Variants in CD38 observed in about 807,000 individuals in gnomAD.
CD38 encodes the protein CD38 molecule, also known as ADP-ribosyl cyclase/cyclic ADP-ribose hydrolase 1.
Under a neutral mutation model 36.3 loss-of-function variants are expected in CD38, and 31 were observed. That is an observed-to-expected ratio of 0.85 (90% CI 0.64 to 1.15). The LOEUF (loss-of-function observed/expected upper bound fraction) is 1.15. CD38 is among the 50% of genes most tolerant of loss of function. The pLI is 0.00. For synonymous variants in CD38, 131 were observed against 135.2 expected (o/e 0.97, Z 0.22); for missense variants, 380 against 371.9 (o/e 1.02, Z -0.18).
chr4:15,817,882 G>C (rs1209369834), intron 2 of CD38, among the ~76,000 whole-genome samples: 1 of 152,038 alleles, frequency 6.6e-6, no homozygotes, highest in Non-Finnish European at 1.5e-5. Flanking sequence ...TTCCTCGTGT[G>C]TCTACACCAC....
At position 15,848,896 on chromosome 4, in the gene CD38, A is replaced by G. The variant is rs1209312042; in HGVS notation, c.*294A>G. The G allele has an allele frequency of 1.7e-5, 4 of 235,006 alleles. No individual in the cohort carries two copies. The highest frequency in any genetic ancestry group is 2.5e-5 in the Non-Finnish European group (3 of 121,668). 14.6% of individuals were successfully genotyped at this position (235,006 alleles called of 1,614,324 possible). ...TGTGATCCTTTTATGTTATTTATAT[A>G]TTGGTAACATCCTTTCTATTGAAAA... On this transcript the variant is annotated 3_prime_UTR_variant, in exon 8 of 8. Coordinates refer to ENST00000226279, the MANE Select transcript of CD38 (RefSeq NM_001775.4).
At chr4:15,842,334 C>A in intron 7 of CD38, among the ~76,000 whole-genome samples, 1 of 135,592 alleles carries the variant, frequency 7.4e-6, no homozygotes, top group Non-Finnish European at 1.6e-5. Flanking sequence ...TTCCAACAGA[C>A]CTGCAGCTGA....
intron 7 of CD38, among the ~76,000 whole-genome samples, chr4:15,847,749 C>A (rs1455817946): frequency 3.9e-5 from 6 of 151,968 alleles, no homozygotes; most frequent in African/African-American, 1.4e-4. Flanking sequence ...ACTCTTTTAC[C>A]TTTTTTGTCT....
In CD38 at chr4:15,838,110, G is replaced by C; in HGVS notation, c.604G>C (p.Asp202His). ...TTTTAAGTTTGCAGAAGCTGCCTGT[G>C]ATGTGGTCCATGTGATGCTCAATGG... ...VSRRFAEAAC[D>H]VVHVMLNGSR... The change falls in exon 5 of 8, where the codon GAT (aspartate) becomes CAT (histidine). Residue 202 changes from aspartate to histidine, a missense_variant. Transcript: ENST00000226279. 1 of 1,613,648 alleles carries C rather than the reference G, an allele frequency of 6.2e-7. No individual in the cohort carries two copies. The highest frequency in any genetic ancestry group is 1.6e-4 in the Middle Eastern group (1 of 6,062).
chr4:15,792,865 A>G (rs946754870), intron 1 of CD38, among the ~76,000 whole-genome samples: 2 of 152,242 alleles, frequency 1.3e-5, no homozygotes, highest in Non-Finnish European at 2.9e-5. Context: ...GTAGTTTTAT[A>G]ATTGATTTGT....
At chr4:15,826,674 G>A (rs1723857149) in intron 3 of CD38, among the ~76,000 whole-genome samples, 1 of 152,066 alleles carries the variant, frequency 6.6e-6, no homozygotes. Flanking sequence ...GGGAGGTGGA[G>A]GAGGGAGGAT....
chr4:15,794,543 A>T (rs1448823044), intron 1 of CD38, among the ~76,000 whole-genome samples: 1 of 152,200 alleles, frequency 6.6e-6, no homozygotes, highest in Non-Finnish European at 1.5e-5. Context: ...GCCAAGTAAG[A>T]TGAAGATTGG....
chr4:15,832,715 T>C (rs1723984516), intron 3 of CD38, among the ~76,000 whole-genome samples: 1 of 152,116 alleles, frequency 6.6e-6, no homozygotes, highest in Non-Finnish European at 1.5e-5. Context: ...GGGCCTGCAG[T>C]AACCACTTCC....
chr4:15,788,206 A>G (rs1481250886), intron 1 of CD38, among the ~76,000 whole-genome samples: 1 of 152,188 alleles, frequency 6.6e-6, no homozygotes, highest in Non-Finnish European at 1.5e-5. Flanking sequence ...TACTGTGCCC[A>G]TGATGGGCAT....
At chr4:15,810,818 T>G (rs970870584) in intron 1 of CD38, among the ~76,000 whole-genome samples, 1 of 152,226 alleles carries the variant, frequency 6.6e-6, no homozygotes, top group Non-Finnish European at 1.5e-5. Flanking sequence ...CCTGGAGGGC[T>G]TATTAAAACA....
rs971679623 is a variant in CD38, at chr4:15,785,378, G to A, written c.233+6731G>A. Among the ~76,000 whole-genome samples, 11 of 151,644 alleles carry A rather than the reference G, an allele frequency of 7.3e-5. No individual in the cohort carries two copies. The South Asian group carries it at 8.4e-4, about 12-fold the overall frequency. On this transcript the variant is annotated intron_variant, in intron 1 of 7. Coordinates refer to ENST00000226279, the MANE Select transcript of CD38 (RefSeq NM_001775.4). ...ACAGATATCAGGAGAGGGAGAAGAA[G>A]ATACCTATTTCTATACCTTTTGGCC... is the stretch of plus-strand genomic sequence containing the variant.
At chr4:15,780,446 G>A (rs543383410) in intron 1 of CD38, among the ~76,000 whole-genome samples, 2 of 151,396 alleles carry the variant, frequency 1.3e-5, no homozygotes, top group Admixed American at 6.6e-5. Flanking sequence ...CCAGATACTT[G>A]ATACTTTCTA....
At chr4:15,821,390 T>C (rs549487084) in intron 2 of CD38, among the ~76,000 whole-genome samples, 40 of 148,116 alleles carry the variant, frequency 2.7e-4, no homozygotes, top group Admixed American at 1.0e-3. Flanking sequence ...CAAAAAAAAA[T>C]GAATGCAGGA....
intron 3 of CD38, among the ~76,000 whole-genome samples, chr4:15,832,145 T>A (rs1251940975): frequency 6.6e-6 from 1 of 152,214 alleles, no homozygotes; most frequent in Non-Finnish European, 1.5e-5. Flanking sequence ...TGATTCTTTT[T>A]AATTATTTCC....
intron 1 of CD38, among the ~76,000 whole-genome samples, chr4:15,786,043 G>A (rs2148913911): frequency 6.6e-6 from 1 of 152,270 alleles, no homozygotes; most frequent in South Asian, 2.1e-4. Context: ...CCTCCTGGTG[G>A]GTTCATGGTC....
chr4:15,835,363 C>CTTTTTTTTTTTTTTTTTTTTTTTTT, intron 4 of CD38, among the ~76,000 whole-genome samples: 1 of 57,668 alleles, frequency 1.7e-5, no homozygotes, highest in Non-Finnish European at 3.6e-5. Context: ...GACAGGAATA[C>CTTTTTTTTTTTTTTTTTTTTTTTTT]TTTTTTTTTT....
chr4:15,802,808 G>A (rs1324091527), intron 1 of CD38, among the ~76,000 whole-genome samples: 3 of 152,102 alleles, frequency 2.0e-5, no homozygotes, highest in Admixed American at 6.6e-5. Flanking sequence ...GCCTCCCAAA[G>A]TGCTGGTATT....
intron 1 of CD38, among the ~76,000 whole-genome samples, chr4:15,781,052 G>C (rs1171021218): frequency 6.6e-6 from 1 of 152,114 alleles, no homozygotes; most frequent in Non-Finnish European, 1.5e-5. Context: ...AGGTAGCACT[G>C]AACCAAGATC....
At chr4:15,816,216 T>G (rs893635926) in intron 1 of CD38, among the ~76,000 whole-genome samples, 20 of 152,216 alleles carry the variant, frequency 1.3e-4, no homozygotes, top group Admixed American at 2.0e-4. Flanking sequence ...GATATTGGAC[T>G]GAAATTTTCT....
Sources: allele counts gnomAD v4.1 joint callset (sites outside exome capture counted in the v4.1 genomes callset), GRCh38; gene constraint gnomAD v4.1.1; transcripts MANE v1.5; gene names NCBI Gene and HGNC (gene_info 2026-07-23, HGNC 2026-07-21).